The following NEURL1 variants were observed in gnomAD, a reference collection of about 807,000 sequenced individuals.
NEURL1 encodes E3 ubiquitin-protein ligase NEURL1.
NEURL1 carries 26 observed loss-of-function variants against 41.2 expected under a neutral mutation model. The observed-to-expected ratio is 0.63, with a 90% confidence interval of 0.46 to 0.87. The LOEUF is 0.87. Among genes scored for constraint, NEURL1 ranks in the 40% least tolerant of loss-of-function variants. The pLI is 0.00. For missense variants in NEURL1, 761 were observed against 871.1 expected (o/e 0.87, Z 1.59); for synonymous variants, 400 against 402.3 (o/e 0.99, Z 0.07).
intron 1 of NEURL1, among the ~76,000 whole-genome samples, chr10:103,521,695 C>T (rs966641278): frequency 1.3e-5 from 2 of 152,130 alleles, no homozygotes; most frequent in African/African-American, 4.8e-5. Flanking sequence ...GTCCAAGAAC[C>T]ATTTGCCTTG....
At chr10:103,494,555 C>T (rs1592169902) in intron 1 of NEURL1, 83 bp downstream of exon 1, 1 of 1,231,750 alleles carries the variant, frequency 8.1e-7, no homozygotes, top group Non-Finnish European at 1.1e-6. Flanking sequence ...GGCGGGCAGA[C>T]GCCACCTGTT....
intron 1 of NEURL1, among the ~76,000 whole-genome samples, chr10:103,514,255 AT>A (rs536286176): frequency 6.6e-6 from 1 of 151,478 alleles, no homozygotes; most frequent in South Asian, 2.1e-4. Context: ...AGCCCAGCTA[AT>A]TTTTTTTGTA....
chr10:103,511,550 C>T (rs2034072112), intron 1 of NEURL1, among the ~76,000 whole-genome samples: 1 of 152,218 alleles, frequency 6.6e-6, no homozygotes, highest in African/African-American at 2.4e-5. Flanking sequence ...AGCTTAACTT[C>T]TCCATGTCCT....
In NEURL1 at chr10:103,558,716, G is replaced by A. The variant is rs896227750; in HGVS notation, c.86-12156G>A. The stretch of plus-strand genomic sequence containing the variant: ...TGGTCTTGAGAGCAGGCTGACAGGG[G>A]CGGGAAGGGTAGTGCGAAGAGGGAG... On this transcript the variant is annotated intron_variant, in intron 1 of 5. Transcript: ENST00000369780. This position sits in a 1 kb window ranked among gnomAD's most constrained non-coding sequence, Gnocchi z 4.2. Among the ~76,000 whole-genome samples the A allele has an allele frequency of 6.6e-6, 1 of 152,186 alleles. No homozygotes were observed. The highest frequency in any genetic ancestry group is 2.4e-5 in the African/African-American group (1 of 41,438).
At chr10:103,522,135 G>A (rs1280322986) in intron 1 of NEURL1, among the ~76,000 whole-genome samples, 2 of 152,162 alleles carry the variant, frequency 1.3e-5, no homozygotes, top group Admixed American at 1.3e-4. Flanking sequence ...ATGGTGGAAT[G>A]TCATCAGTTA....
chr10:103,582,889 C>T (rs2035810312), intron 3 of NEURL1, among the ~76,000 whole-genome samples: 1 of 152,218 alleles, frequency 6.6e-6, no homozygotes, highest in African/African-American at 2.4e-5. Context: ...CAAGGAGAGT[C>T]TGGAAGTGAA....
intron 1 of NEURL1, among the ~76,000 whole-genome samples, chr10:103,501,063 G>C (rs1485912085): frequency 6.6e-6 from 1 of 152,188 alleles, no homozygotes; most frequent in African/African-American, 2.4e-5. Context: ...GAGAAACACA[G>C]GATGTGTTCA....
At chr10:103,575,071 C>T (rs1380706002) in intron 3 of NEURL1, among the ~76,000 whole-genome samples, 2 of 151,936 alleles carry the variant, frequency 1.3e-5, no homozygotes, top group East Asian at 3.9e-4. Context: ...GATCTCTCCA[C>T]CTTCGTTCAC....
intron 1 of NEURL1, among the ~76,000 whole-genome samples, chr10:103,552,130 A>G (rs2035043864): frequency 6.6e-6 from 1 of 152,176 alleles, no homozygotes; most frequent in African/African-American, 2.4e-5. Flanking sequence ...TGTGGGGTGC[A>G]GGATGCGGGA....
At chr10:103,503,908 G>A (rs1435563973) in intron 1 of NEURL1, among the ~76,000 whole-genome samples, 1 of 147,654 alleles carries the variant, frequency 6.8e-6, no homozygotes, top group Non-Finnish European at 1.5e-5. Flanking sequence ...TCCCTCCACA[G>A]CCTCCTGAGT....
chr10:103,528,527 T>C (rs1285808273), intron 1 of NEURL1, among the ~76,000 whole-genome samples: 2 of 141,572 alleles, frequency 1.4e-5, no homozygotes. Context: ...AGAGCGTGAC[T>C]CCGTCTCAAA....
intron 1 of NEURL1, among the ~76,000 whole-genome samples, chr10:103,532,796 T>C (rs1344577982): frequency 1.3e-5 from 2 of 152,058 alleles, no homozygotes; most frequent in African/African-American, 2.4e-5. Flanking sequence ...CCTTTTTGGG[T>C]TAAATCTATT....
intron 1 of NEURL1, among the ~76,000 whole-genome samples, chr10:103,496,366 C>T (rs1057413291): frequency 6.6e-6 from 1 of 152,124 alleles, no homozygotes; most frequent in African/African-American, 2.4e-5. Context: ...AGTATAACGA[C>T]AGAATACAAA....
chr10:103,567,617 C>G (rs1289320734), intron 1 of NEURL1, among the ~76,000 whole-genome samples: 1 of 151,830 alleles, frequency 6.6e-6, no homozygotes, highest in Non-Finnish European at 1.5e-5. Context: ...AAGCCGGTCT[C>G]CAACTCCTAG....
intron 1 of NEURL1, among the ~76,000 whole-genome samples, chr10:103,569,278 T>G (rs1219286518): frequency 2.0e-5 from 3 of 152,258 alleles, no homozygotes; most frequent in African/African-American, 7.2e-5. Flanking sequence ...CATCGTTATT[T>G]TGAAATTCAT....
chr10:103,569,050 G>A (rs1420534642), intron 1 of NEURL1, among the ~76,000 whole-genome samples: 3 of 152,118 alleles, frequency 2.0e-5, no homozygotes, highest in African/African-American at 7.2e-5. Context: ...CCTGACCTCA[G>A]GTAATCCACC....
chr10:103,516,465 TG>T (rs2034209691), intron 1 of NEURL1, among the ~76,000 whole-genome samples: 1 of 151,472 alleles, frequency 6.6e-6, no homozygotes, highest in African/African-American at 2.4e-5. Context: ...TGAGATATCC[TG>T]GGGGAGACGC....
rs557849447 is a variant in NEURL1, at chr10:103,580,593, C to T, written c.650-3943C>T. Among the ~76,000 whole-genome samples the T allele has an allele frequency of 3.9e-4, 59 of 152,274 alleles. 1 individual carries two copies. Among genetic ancestry groups the T allele is most frequent in the African/African-American group, 1.3e-3 (53 of 41,564 alleles). ...TCTGCGGAGGGTGTTCTAACCAGCT[C>T]CTGTGTCTCGAGTTTCATCTATTTC... On this transcript the variant is annotated intron_variant, in intron 3 of 5. Coordinates refer to ENST00000369780, the MANE Select transcript of NEURL1 (RefSeq NM_004210.5).
chr10:103,505,673 C>T (rs573254016), intron 1 of NEURL1, among the ~76,000 whole-genome samples: 1 of 152,300 alleles, frequency 6.6e-6, no homozygotes, highest in South Asian at 2.1e-4. Flanking sequence ...CCAGCCAGCT[C>T]TTCTGTATCT....
Sources: allele counts gnomAD v4.1 joint callset (sites outside exome capture counted in the v4.1 genomes callset), GRCh38; gene constraint gnomAD v4.1.1; non-coding constraint Gnocchi (gnomAD v3.1); transcripts MANE v1.5; gene names NCBI Gene and HGNC (gene_info 2026-07-23, HGNC 2026-07-21).